AHNAK2: variants seen among roughly 807,000 people sequenced by gnomAD.
The protein encoded by AHNAK2 is protein AHNAK2.
Under a neutral mutation model 30.7 loss-of-function variants are expected in AHNAK2, and 18 were observed. The ratio of observed to expected loss-of-function variants is 0.59; its 90% CI spans 0.41 to 0.87. AHNAK2 has a LOEUF of 0.87. Ranked by LOEUF, AHNAK2 falls within the 40% of genes least tolerant of loss-of-function variation. The pLI is 0.00. For missense variants in AHNAK2, 8,604 were observed against 7,373.0 expected, an observed-to-expected ratio of 1.17 and a Z score of -6.11; for synonymous variants, 3,590 against 3,073.8, an observed-to-expected ratio of 1.17 and a Z score of -5.56.
intron 1 of AHNAK2, among the ~76,000 whole-genome samples, chr14:104,963,307 G>A (rs112687109): frequency 0.013 from 1,926 of 152,310 alleles, 27 homozygotes; most frequent in Non-Finnish European, 0.02. Context: ...ACACAAAGCT[G>A]TGATGATCTG....
chr14:104,971,703 G>C (rs1899476425), intron 1 of AHNAK2, among the ~76,000 whole-genome samples: 1 of 152,220 alleles, frequency 6.6e-6, no homozygotes, highest in South Asian at 2.1e-4. Flanking sequence ...GCTGCACCCT[G>C]GGCCCTTAGC....
In AHNAK2 at chr14:104,944,848, C is replaced by T. The variant is rs1403309053; in HGVS notation, c.10603G>A (p.Val3535Ile). The T allele has an allele frequency of 7.4e-6, 12 of 1,612,964 alleles. No individual in the cohort carries two copies. The highest frequency in any genetic ancestry group is 1.0e-5 in the Non-Finnish European group (12 of 1,179,600). ...PPSADLEVQA[V>I]QVDVELLEGP... is the part of the protein sequence containing the mutation. Reference sequence around the variant, plus strand: ...TCCAGGAGTTCCACATCCACTTGGACAGCCTGGACCTCCAGGTCAGCGGAA... The same window carrying T: ...TCCAGGAGTTCCACATCCACTTGGATAGCCTGGACCTCCAGGTCAGCGGAA... The change falls in exon 7 of 7, where the codon GTC becomes ATC. Residue 3535 changes from valine to isoleucine, a missense_variant. By Grantham distance (29) the Val-to-Ile change is conservative. Coordinates refer to ENST00000333244, the MANE Select transcript of AHNAK2 (RefSeq NM_138420.4).
chr14:104,942,662 G>A lies in AHNAK2; in HGVS notation c.12789C>T (p.Ser4263=). 6.2e-7 allele frequency: 1 copy of A among 1,613,470 alleles called. No homozygotes were observed. The highest frequency in any genetic ancestry group is 1.3e-5 in the African/African-American group (1 of 74,946). The change falls in exon 7 of 7, where the codon AGC becomes AGT. Residue 4263 remains serine (S), a synonymous_variant. Transcript: ENST00000333244. ...CCGGGGCCTCGACGTCCACCTCCAT[G>A]CTGGGCAGAGACACCTCCACGACGG... ...MTPVVEVSLP[S]MEVDVEAPGA...
chr14:104,966,027 G>A lies in AHNAK2; in HGVS notation c.56-8355C>T, dbSNP rs775184083. ...CCCTGCCACTCCCTCACCGCTTCAC[G>A]GGCCTTTCCTTGCCCTTCTGCAAGA... On this transcript the variant is annotated intron_variant, in intron 1 of 6. Transcript: ENST00000333244. The surrounding 1 kb of genome is among the most constrained non-coding windows in gnomAD (Gnocchi z 4.3). Among the ~76,000 whole-genome samples the A allele has an allele frequency of 6.6e-6, 1 of 152,136 alleles. No homozygotes were observed. Among genetic ancestry groups the A allele is most frequent in the Non-Finnish European group, 1.5e-5 (1 of 68,028 alleles).
rs1266455387 is a variant in AHNAK2, at chr14:104,945,388, C to G, written c.10063G>C (p.Asp3355His). The change falls in exon 7 of 7, where the codon GAC (aspartate) becomes CAC (histidine). Residue 3355 changes from aspartate to histidine, a missense_variant. Physicochemically the swap from Asp to His is moderately conservative, Grantham distance 81. Coordinates refer to ENST00000333244, the MANE Select transcript of AHNAK2 (RefSeq NM_138420.4). ...PSMQGDLKTT[D>H]LSIQLPSVDL... ...ACAGAAGGGAGCTGAATGCTGAGGT[C>G]AGTGGTCTTGAGGTCCCCCTGCATG... 2 of 1,612,868 alleles carry G rather than the reference C, an allele frequency of 1.2e-6. No individual in the cohort carries two copies. The highest frequency in any genetic ancestry group is 1.3e-5 in the African/African-American group (1 of 74,622).
In AHNAK2 at chr14:104,966,992, G is replaced by T. The variant is rs2140879848; in HGVS notation, c.56-9320C>A. Among the ~76,000 whole-genome samples, 1 of 152,294 alleles carries T rather than the reference G, an allele frequency of 6.6e-6. No individual in the cohort carries two copies. The highest frequency in any genetic ancestry group is 1.9e-4 in the East Asian group (1 of 5,180). On this transcript the variant is annotated intron_variant, in intron 1 of 6. Transcript: ENST00000333244. The surrounding 1 kb of genome is among the most constrained non-coding windows in gnomAD (Gnocchi z 4.3). The stretch of plus-strand genomic sequence containing the variant: ...GGACCCAGCCAGTAGGTGTGGAGCT[G>T]GGGCAACTACCTAGCAGGGCTGGGG...
Position 104,943,680 on chromosome 14 carries a change from G to C in AHNAK2, c.11771C>G (p.Ala3924Gly), listed in dbSNP as rs753655834. Residue 3924 changes from alanine to glycine, a missense_variant, in exon 7 of 7, where the codon GCC becomes GGC. Ala to Gly is a moderately conservative substitution (Grantham distance 60, BLOSUM62 0). Transcript: ENST00000333244. ...DLKDPKVEVT[A>G]PDVEVSLPSV... is the part of the protein sequence containing the mutation. ...GGGCAGAGAAACCTCCACATCAGGG[G>C]CTGTCACTTCCACCTTGGGGTCTTT... 2 of 1,613,320 alleles carry C rather than the reference G, an allele frequency of 1.2e-6. No individual in the cohort carries two copies. The highest frequency in any genetic ancestry group is 1.7e-4 in the Middle Eastern group (1 of 6,056).
chr14:104,957,701 C>T (rs1265499069), intron 1 of AHNAK2, 29 bp from the exon 2 acceptor site: 1 of 1,600,866 alleles, frequency 6.2e-7, no homozygotes, highest in Non-Finnish European at 8.5e-7. Flanking sequence ...TCAGTGGAGA[C>T]AAGCAGGCTG....
chr14:104,947,919 G>A lies in AHNAK2; in HGVS notation c.7532C>T (p.Pro2511Leu), dbSNP rs200446291. The change falls in exon 7 of 7, where the codon CCG (proline) becomes CTG (leucine). Residue 2511 changes from proline (P) to leucine (L), a missense_variant. Physicochemically the swap from Pro to Leu is moderately conservative, Grantham distance 98 (BLOSUM62 -3). Transcript: ENST00000333244. ...SIEASVDVSA[P>L]KVEADGSLSS... is the part of the protein sequence containing the mutation. ...GAGGCTCCCGTCGGCCTCCACCTTC[G>A]GCGCAGACACATCCACCGAGGCCTC... 2.2e-4 allele frequency: 351 copies of A among 1,610,166 alleles called. 1 individual carries two copies. The highest frequency in any genetic ancestry group is 1.1e-3 in the African/African-American group (84 of 73,626).
Position 104,941,794 on chromosome 14 carries a change from T to C in AHNAK2, c.13657A>G (p.Ser4553Gly), listed in dbSNP as rs367920761. ...KGHLPKVEMP[S>G]FKMPKVDLKG... ...AGGTCCACTTTGGGCATCTTGAAAC[T>C]GGGCATCTCCACCTTGGGCAGGTGC... Residue 4553 changes from serine to glycine, a missense_variant, in exon 7 of 7, where the codon AGT (serine) becomes GGT (glycine). Physicochemically the swap from Ser to Gly is moderately conservative, Grantham distance 56. Transcript: ENST00000333244. The C allele has an allele frequency of 1.7e-4, 270 of 1,613,368 alleles. No homozygotes were observed. Among genetic ancestry groups the C allele is most frequent in the Non-Finnish European group, 2.2e-4 (257 of 1,179,706 alleles).
rs200306403 is a variant in AHNAK2 at position 104,944,362 on chromosome 14, C to A, written c.11089G>T (p.Val3697Phe). ...SIQPPSADLK[V>F]QAGQMDVKLP... ...TTCACATCCATCTGGCCAGCCTGGA[C>A]CTTCAGGTCGGCAGAAGGGGGCTGA... Residue 3697 changes from valine (V) to phenylalanine (F), a missense_variant, in exon 7 of 7, where the codon GTC becomes TTC. Val to Phe is a conservative substitution (Grantham distance 50). Coordinates refer to ENST00000333244, the MANE Select transcript of AHNAK2 (RefSeq NM_138420.4). 12 of 1,612,684 alleles carry A rather than the reference C, an allele frequency of 7.4e-6. 2 individuals carry two copies. Among genetic ancestry groups the A allele is most frequent in the Middle Eastern group, 3.3e-4 (2 of 6,048 alleles).
chr14:104,948,055 C>T lies in AHNAK2; in HGVS notation c.7396G>A (p.Glu2466Lys), dbSNP rs1898401115. The T allele has an allele frequency of 6.2e-7, 1 of 1,613,014 alleles. No homozygotes were observed. Among genetic ancestry groups the T allele is most frequent in the East Asian group, 2.2e-5 (1 of 44,840 alleles). ...PGAKLDGAWL[E>K]GDLSVADKDV... ...TTGTCCGCCACAGACAGGTCCCCCT[C>T]CAGCCACGCACCATCCAGCTTGGCT... is the stretch of plus-strand genomic sequence containing the variant. Residue 2466 changes from glutamate (E) to lysine (K), a missense_variant, in exon 7 of 7, where the codon GAG becomes AAG. Coordinates refer to ENST00000333244, the MANE Select transcript of AHNAK2 (RefSeq NM_138420.4).
rs201820938 is a variant in AHNAK2 at position 104,948,358 on chromosome 14, C to T, written c.7093G>A (p.Asp2365Asn). The T allele has an allele frequency of 1.2e-6, 2 of 1,612,848 alleles. No individual in the cohort carries two copies. The highest frequency in any genetic ancestry group is 1.7e-6 in the Non-Finnish European group (2 of 1,179,600). The stretch of plus-strand genomic sequence containing the variant: ...GCGGAAGGGGGCTGAACGCTGAGGT[C>T]AGTGGTCTTGAGGTCCCCCTGCATG... Reference protein sequence around the residue: ...PSMQGDLKTTDLSVQPPSADL... With the variant: ...PSMQGDLKTTNLSVQPPSADL... The change falls in exon 7 of 7, where the codon GAC becomes AAC. Residue 2365 changes from aspartate (D) to asparagine (N), a missense_variant. Physicochemically the swap from Asp to Asn is conservative, Grantham distance 23. Coordinates refer to ENST00000333244, the MANE Select transcript of AHNAK2 (RefSeq NM_138420.4).
chr14:104,952,705 G>C lies in AHNAK2; in HGVS notation c.2746C>G (p.Leu916Val), dbSNP rs1016654181. The C allele has an allele frequency of 1.2e-6, 2 of 1,612,280 alleles. No homozygotes were observed. Among genetic ancestry groups the C allele is most frequent in the African/African-American group, 2.7e-5 (2 of 74,278 alleles). ...VPEGAGPKVHLPKVEMPSFKM... is the reference protein window; with the variant it reads ...VPEGAGPKVHVPKVEMPSFKM... ...AAACTGGGCATCTCCACTTTGGGCA[G>C]GTGCACTTTGGGGCCGGCTCCCTCG... is the stretch of plus-strand genomic sequence containing the variant. Residue 916 changes from leucine to valine, a missense_variant, in exon 7 of 7, where the codon CTG becomes GTG. Physicochemically the swap from Leu to Val is conservative, Grantham distance 32 (BLOSUM62 1). Transcript: ENST00000333244.
Position 104,952,924 on chromosome 14 carries a change from A to G in AHNAK2, c.2527T>C (p.Phe843Leu). Residue 843 changes from phenylalanine (F) to leucine (L), a missense_variant, in exon 7 of 7, where the codon TTC (phenylalanine) becomes CTC (leucine). Transcript: ENST00000333244. Reference protein sequence around the residue: ...FKMPKFKMPSFGVSAPGKSME... With the variant: ...FKMPKFKMPSLGVSAPGKSME... The stretch of plus-strand genomic sequence containing the variant: ...GACTTGCCTGGGGCCGACACCCCGA[A>G]TGATGGCATCTTGAACTTGGGCATT... 1 of 1,610,846 alleles carries G rather than the reference A, an allele frequency of 6.2e-7. No individual in the cohort carries two copies. The highest frequency in any genetic ancestry group is 8.5e-7 in the Non-Finnish European group (1 of 1,179,026).
At chr14:104,970,012 T>C (rs2140882681) in intron 1 of AHNAK2, among the ~76,000 whole-genome samples, 1 of 152,132 alleles carries the variant, frequency 6.6e-6, no homozygotes, top group Middle Eastern at 3.4e-3. Context: ...CACACGGTCA[T>C]CTGAGGACCC....
Position 104,953,506 on chromosome 14 carries a change from G to C in AHNAK2, c.1945C>G (p.Gln649Glu). 7 of 1,613,940 alleles carry C rather than the reference G, an allele frequency of 4.3e-6. No homozygotes were observed. The highest frequency in any genetic ancestry group is 5.1e-6 in the Non-Finnish European group (6 of 1,179,858). ...AAGCGTTTTTCATCGTGTATTAGTT[G>C]TATTTTTGTTGTGTTTGTCATTGAG... ...SDSMTNTTKI[Q>E]LIHDEKRLKK... Residue 649 changes from glutamine to glutamate, a missense_variant, in exon 7 of 7, where the codon CAA becomes GAA. Transcript: ENST00000333244.
Position 104,945,677 on chromosome 14 carries a change from C to T in AHNAK2, c.9774G>A (p.Pro3258=), listed in dbSNP as rs533365075. The T allele has an allele frequency of 1.9e-5, 30 of 1,590,518 alleles. No homozygotes were observed. The highest frequency in any genetic ancestry group is 1.7e-4 in the African/African-American group (12 of 72,224). ...IKGPKLDLKG[P]KMDVTAPDVE... ...CGTCGGGGGCCGTCACATCCATCTT[C>T]GGGCCTTTCAGGTCCAGCTTGGGGC... The change falls in exon 7 of 7, where the codon CCG becomes CCA. Residue 3258 remains proline (P), a synonymous_variant. Coordinates refer to ENST00000333244, the MANE Select transcript of AHNAK2 (RefSeq NM_138420.4).
At position 104,952,096 on chromosome 14, in the gene AHNAK2, C is replaced by G. The variant is rs779759627; in HGVS notation, c.3355G>C (p.Ala1119Pro). The change falls in exon 7 of 7, where the codon GCC becomes CCC. Residue 1119 changes from alanine to proline, a missense_variant. Coordinates refer to ENST00000333244, the MANE Select transcript of AHNAK2 (RefSeq NM_138420.4). ...GGCAGAGACACCTCCACATCAGGGG[C>G]TGTGACTTCCGCCTTGGGGCTTTTC... ...DLKSPKAEVT[A>P]PDVEVSLPSV... 6.2e-7 allele frequency: 1 copy of G among 1,612,890 alleles called. No individual in the cohort carries two copies. Among genetic ancestry groups the G allele is most frequent in the South Asian group, 1.1e-5 (1 of 91,026 alleles).
Sources: allele counts gnomAD v4.1 joint callset (sites outside exome capture counted in the v4.1 genomes callset), GRCh38; gene constraint gnomAD v4.1.1; non-coding constraint Gnocchi (gnomAD v3.1); transcripts MANE v1.5; gene names NCBI Gene and HGNC (gene_info 2026-07-23, HGNC 2026-07-21).